ADAMTSL1: variants seen among roughly 807,000 people sequenced by gnomAD.
ADAMTSL1 encodes the protein ADAMTS-like protein 1.
ADAMTSL1 carries 126 observed loss-of-function variants against 201.8 expected under a neutral mutation model. The observed-to-expected ratio is 0.62, with a 90% CI of 0.54 to 0.72. The LOEUF (loss-of-function observed/expected upper bound fraction) is 0.72. ADAMTSL1 is among the 30% of genes least tolerant of loss of function. ADAMTSL1 has a pLI of 0.00. For synonymous variants in ADAMTSL1, 1,121 were observed against 903.4 expected (o/e 1.24, Z -4.32); for missense variants, 2,679 against 2,277.8 (o/e 1.18, Z -3.59).
chr9:18,406,721 G>T (rs1243295589), intron 2 of ADAMTSL1, among the ~76,000 whole-genome samples: 1 of 152,210 alleles, frequency 6.6e-6, no homozygotes, highest in East Asian at 1.9e-4. Context: ...ATAAGCAATA[G>T]TCATTAATAT....
At chr9:18,848,953 C>G (rs1443339416) in intron 23 of ADAMTSL1, among the ~76,000 whole-genome samples, 1 of 152,166 alleles carries the variant, frequency 6.6e-6, no homozygotes, top group Non-Finnish European at 1.5e-5. Context: ...GAGATTTTGC[C>G]AACTAATGAA....
chr9:18,653,313 G>A (rs1184214188), intron 7 of ADAMTSL1, among the ~76,000 whole-genome samples: 5 of 152,066 alleles, frequency 3.3e-5, no homozygotes, highest in African/African-American at 1.2e-4. Context: ...CTGACCACTG[G>A]GACAATCCTT....
chr9:18,847,531 G>C (rs537290102), intron 23 of ADAMTSL1, among the ~76,000 whole-genome samples: 1 of 152,256 alleles, frequency 6.6e-6, no homozygotes, highest in African/African-American at 2.4e-5. Flanking sequence ...ATAAGAGGGA[G>C]AGGTGGTGCC....
At chr9:18,180,714 G>A (rs1216387179) in intron 2 of ADAMTSL1, among the ~76,000 whole-genome samples, 1 of 152,046 alleles carries the variant, frequency 6.6e-6, no homozygotes, top group Non-Finnish European at 1.5e-5. Context: ...TACTGCCAAA[G>A]GTAATTTACA....
chr9:18,749,856 A>G (rs504064), intron 15 of ADAMTSL1, among the ~76,000 whole-genome samples: 119,609 of 152,252 alleles, frequency 0.79, 47,115 homozygotes, highest in Non-Finnish European at 0.82. Flanking sequence ...GGGCAGGCAG[A>G]TATGTCTGTT....
chr9:18,074,735 C>T (rs983672895), intron 1 of ADAMTSL1, among the ~76,000 whole-genome samples: 2 of 151,880 alleles, frequency 1.3e-5, no homozygotes, highest in East Asian at 3.9e-4. Context: ...GGATTACAGG[C>T]GCTTGCCACC....
At chr9:18,283,966 C>T (rs185999239) in intron 2 of ADAMTSL1, among the ~76,000 whole-genome samples, 1 of 134,330 alleles carries the variant, frequency 7.4e-6, no homozygotes, top group African/African-American at 2.8e-5. Flanking sequence ...TGTGGTGGCT[C>T]ACACCTGTAA....
intron 1 of ADAMTSL1, among the ~76,000 whole-genome samples, chr9:18,131,848 G>T (rs905488107): frequency 6.6e-6 from 1 of 152,022 alleles, no homozygotes; most frequent in Non-Finnish European, 1.5e-5. Context: ...CTTCCCTAAG[G>T]TTTCTTCATC....
chr9:18,188,623 G>C (rs986132570), intron 2 of ADAMTSL1, among the ~76,000 whole-genome samples: 1 of 152,168 alleles, frequency 6.6e-6, no homozygotes, highest in East Asian at 1.9e-4. Context: ...GCCATTAGGT[G>C]GTGAGTTCTT....
chr9:18,844,447 T>A (rs1825950836), intron 23 of ADAMTSL1, among the ~76,000 whole-genome samples: 1 of 152,126 alleles, frequency 6.6e-6, no homozygotes, highest in Admixed American at 6.5e-5. Flanking sequence ...CTGCCCCTAC[T>A]GGGGGGTGCC....
At chr9:18,774,380 T>C (rs573310522) in intron 17 of ADAMTSL1, among the ~76,000 whole-genome samples, 1 of 152,130 alleles carries the variant, frequency 6.6e-6, no homozygotes, top group Admixed American at 6.5e-5. Flanking sequence ...TCTGTCAAAC[T>C]GTTCTGTCCC....
intron 4 of ADAMTSL1, among the ~76,000 whole-genome samples, chr9:18,593,829 A>T (rs534911153): frequency 6.6e-6 from 1 of 152,214 alleles, no homozygotes; most frequent in South Asian, 2.1e-4. Flanking sequence ...GTTACCTAAC[A>T]TATGGGCTGT....
At chr9:18,817,329 A>G in intron 21 of ADAMTSL1, 92 bp downstream of exon 21, 2 of 1,324,282 alleles carry the variant, frequency 1.5e-6, no homozygotes, top group Non-Finnish European at 2.1e-6. Flanking sequence ...TTCTACTCTC[A>G]GGGATATAGT....
chr9:18,850,925 G>A (rs2131370058), intron 23 of ADAMTSL1, among the ~76,000 whole-genome samples: 1 of 152,260 alleles, frequency 6.6e-6, no homozygotes, highest in East Asian at 1.9e-4. Context: ...TTATAGTAAG[G>A]GTTAAATGAG....
At chr9:18,502,733 C>A (rs988555907) in intron 1 of ADAMTSL1, among the ~76,000 whole-genome samples, 1 of 152,106 alleles carries the variant, frequency 6.6e-6, no homozygotes, top group African/African-American at 2.4e-5. Flanking sequence ...CAGATTACAT[C>A]ACCAGGCAGA....
chr9:18,268,996 T>C (rs956860349), intron 2 of ADAMTSL1, among the ~76,000 whole-genome samples: 3 of 152,140 alleles, frequency 2.0e-5, no homozygotes, highest in Non-Finnish European at 2.9e-5. Context: ...TACAAAATGG[T>C]ATTTCTTATA....
At chr9:18,584,414 T>C (rs1037870693) in intron 4 of ADAMTSL1, among the ~76,000 whole-genome samples, 1 of 152,078 alleles carries the variant, frequency 6.6e-6, no homozygotes, top group African/African-American at 2.4e-5. Context: ...CCTCTTTCTT[T>C]TGTAAATTGC....
rs76965828 is a variant in ADAMTSL1, at chr9:18,022,201, A to G, written c.87+115279A>G. ...CTGTGGCCCCAAGGGAAAGATCACC[A>G]TAAACTAGGAGGAAAGAATCTGAAA... is the stretch of plus-strand genomic sequence containing the variant. On this transcript the variant is annotated intron_variant, in intron 1 of 29. Transcript: ENST00000680146. Among the ~76,000 whole-genome samples, 1,001 of 152,258 alleles carry G rather than the reference A, an allele frequency of 6.6e-3. 16 individuals carry two copies. The highest frequency in any genetic ancestry group is 0.023 in the African/African-American group (956 of 41,536).
At chr9:18,314,888 C>T (rs1284486795) in intron 2 of ADAMTSL1, among the ~76,000 whole-genome samples, 2 of 147,152 alleles carry the variant, frequency 1.4e-5, no homozygotes, top group Non-Finnish European at 3.0e-5. Flanking sequence ...GCTCCGCCTC[C>T]CGGGTTCACG....
Sources: gnomAD v4.1 joint callset for allele counts (sites outside exome capture counted in the v4.1 genomes callset) on GRCh38, gnomAD v4.1.1 for gene constraint, MANE v1.5 for transcripts, NCBI Gene and HGNC (gene_info 2026-07-23, HGNC 2026-07-21) for gene names.